The following ERMP1 variants were observed in gnomAD, a reference collection of about 807,000 sequenced individuals.
ERMP1 encodes the protein endoplasmic reticulum metallopeptidase 1.
ERMP1 carries 86 observed loss-of-function variants against 92.0 expected under a neutral mutation model. That is an observed-to-expected ratio of 0.93 (90% CI 0.79 to 1.12). The LOEUF (loss-of-function observed/expected upper bound fraction) is 1.12. Ranked by LOEUF, ERMP1 falls within the 50% of genes most tolerant of loss-of-function variation. The probability of loss-of-function intolerance (pLI) is 0.00; values close to 1 mark genes in which losing one functional copy is unlikely to be tolerated. For synonymous variants in ERMP1, 530 were observed against 412.8 expected (o/e 1.28, Z -3.44); for missense variants, 1,342 against 1,116.3 (o/e 1.20, Z -2.88).
intron 7 of ERMP1, 55 bp from the exon 8 acceptor site, chr9:5,810,286 T>C (rs1829042238): frequency 7.4e-7 from 1 of 1,346,882 alleles, no homozygotes; most frequent in Non-Finnish European, 1.1e-6. Flanking sequence ...ATCAGTTATA[T>C]AACCAGTCAG....
chr9:5,822,672 A>G lies in ERMP1; in HGVS notation c.874+1224T>C, dbSNP rs1442721542. Among the ~76,000 whole-genome samples, 4 of 152,250 alleles carry G rather than the reference A, an allele frequency of 2.6e-5. No homozygotes were observed. The East Asian group carries it at 7.7e-4, about 29-fold the overall frequency. On this transcript the variant is annotated intron_variant, in intron 4 of 14. Coordinates refer to ENST00000339450, the MANE Select transcript of ERMP1 (RefSeq NM_024896.3). ...AATATTAAAACATCTAGCAAATGCT[A>G]CATCTCTGGATAAAATGCATTACCC... is the stretch of plus-strand genomic sequence containing the variant.
At chr9:5,842,783 A>G (rs1830181976) in intron 6 of ERMP1, among the ~76,000 whole-genome samples, 1 of 152,236 alleles carries the variant, frequency 6.6e-6, no homozygotes, top group Non-Finnish European at 1.5e-5. Context: ...AAGCAATTCA[A>G]AGTACTAAAT....
Position 5,833,021 on chromosome 9 carries a change from A to C in ERMP1, c.7T>G (p.Trp3Gly). 1 of 1,525,238 alleles carries C rather than the reference A, an allele frequency of 6.6e-7. No homozygotes were observed. Among genetic ancestry groups the C allele is most frequent in the Non-Finnish European group, 8.7e-7 (1 of 1,146,880 alleles). The allele number at this position is 1,525,238 out of a possible 1,614,324, so 94.5% of individuals were successfully genotyped here. Residue 3 changes from tryptophan (W) to glycine (G), a missense_variant, in exon 1 of 15, where the codon TGG (tryptophan) becomes GGG (glycine). Coordinates refer to ENST00000339450, the MANE Select transcript of ERMP1 (RefSeq NM_024896.3). ME[W>G]GSESAAVRRH... ...CTCACAGCAGCCGACTCAGAACCCC[A>C]CTCCATGGCCACGAGCCTCAGCTGC... is the stretch of plus-strand genomic sequence containing the variant.
chr9:5,843,907 T>C (rs1229376179), intron 6 of ERMP1, among the ~76,000 whole-genome samples: 2 of 152,104 alleles, frequency 1.3e-5, no homozygotes, highest in Non-Finnish European at 1.5e-5. Flanking sequence ...TTGTGTGTCC[T>C]GGGGGGAGGA....
At chr9:5,796,623 C>T (rs1390363226) in intron 13 of ERMP1, among the ~76,000 whole-genome samples, 2 of 152,030 alleles carry the variant, frequency 1.3e-5, no homozygotes, top group East Asian at 1.9e-4. Flanking sequence ...AGAAGTCAGT[C>T]GAAAAAGGCT....
Position 5,797,940 on chromosome 9 carries a change from G to C in ERMP1, c.2271-8C>G, listed in dbSNP as rs1479861078. On this transcript the variant is annotated splice_polypyrimidine_tract_variant and splice_region_variant and intron_variant, in intron 12 of 14. Transcript: ENST00000339450. Reference sequence around the variant, plus strand: ...GGAAGATACCAGTTTTTCCTATTTAGAAAGGAAGCTTCAGTTTTAGGGTGC... The same window carrying C: ...GGAAGATACCAGTTTTTCCTATTTACAAAGGAAGCTTCAGTTTTAGGGTGC... 6.4e-7 allele frequency: 1 copy of C among 1,564,178 alleles called. No homozygotes were observed. The highest frequency in any genetic ancestry group is 1.7e-5 in the Admixed American group (1 of 59,554).
chr9:5,865,752 C>T (rs950237579), intron 5 of ERMP1, among the ~76,000 whole-genome samples: 7 of 143,992 alleles, frequency 4.9e-5, no homozygotes, highest in African/African-American at 1.8e-4. Flanking sequence ...GCATGAGAAT[C>T]GCTGGAAACT....
At chr9:5,802,477 C>G (rs1220817376) in intron 10 of ERMP1, among the ~76,000 whole-genome samples, 1 of 152,200 alleles carries the variant, frequency 6.6e-6, no homozygotes, top group Non-Finnish European at 1.5e-5. Context: ...CTCCAACACT[C>G]AGGTTCAAGC....
chr9:5,808,456 C>T (rs1339323761), intron 8 of ERMP1, among the ~76,000 whole-genome samples: 2 of 152,202 alleles, frequency 1.3e-5, no homozygotes, highest in African/African-American at 2.4e-5. Flanking sequence ...CTCAAAGAAC[C>T]TTCCTTCAGC....
chr9:5,861,173 G>C (rs1298460478), intron 5 of ERMP1, among the ~76,000 whole-genome samples: 75 of 49,438 alleles, frequency 1.5e-3, no homozygotes, highest in African/African-American at 5.7e-3. Flanking sequence ...CTTAGGGGGT[G>C]TGTGTGTGTG....
At chr9:5,836,932 C>T, upstream of ERMP1, among the ~76,000 whole-genome samples, 1 of 152,252 alleles carries the variant, frequency 6.6e-6, no homozygotes, top group East Asian at 1.9e-4. Flanking sequence ...ACTTTTAACC[C>T]CCCCTCAAAT....
chr9:5,800,625 A>G (rs1019439285), intron 11 of ERMP1, among the ~76,000 whole-genome samples: 6 of 152,166 alleles, frequency 3.9e-5, no homozygotes, highest in African/African-American at 1.4e-4. Flanking sequence ...GCAGTGAGCC[A>G]AGATCGTTCC....
intron 6 of ERMP1, among the ~76,000 whole-genome samples, chr9:5,845,825 G>T (rs1239762038): frequency 6.6e-6 from 1 of 152,166 alleles, no homozygotes; most frequent in Non-Finnish European, 1.5e-5. Context: ...TAGGCCTGAG[G>T]AGTATTTTTG....
chr9:5,855,139 TAAATG>T (rs1201809188), intron 6 of ERMP1, among the ~76,000 whole-genome samples: 1 of 152,156 alleles, frequency 6.6e-6, no homozygotes, highest in Non-Finnish European at 1.5e-5. Context: ...TTTAATAACT[TAAATG>T]TAATAGCCTA....
In ERMP1 at chr9:5,802,774, A is replaced by C. The variant is rs916365627; in HGVS notation, c.1915-1446T>G. On this transcript the variant is annotated intron_variant, in intron 10 of 14. Coordinates refer to ENST00000339450, the MANE Select transcript of ERMP1 (RefSeq NM_024896.3). Reference sequence around the variant, plus strand: ...TGATTGAATGACAGGGGAAATGGGGACTGCTGATACAAGTGGGGTCAGGAG... The same window carrying C: ...TGATTGAATGACAGGGGAAATGGGGCCTGCTGATACAAGTGGGGTCAGGAG... 3.0e-4 allele frequency among the ~76,000 whole-genome samples: 45 copies of C among 152,200 alleles called. 1 individual carries two copies. Among genetic ancestry groups the C allele is most frequent in the Non-Finnish European group, 1.2e-4 (8 of 68,034 alleles).
intron 5 of ERMP1, among the ~76,000 whole-genome samples, chr9:5,865,959 T>C (rs1020764591): frequency 2.0e-5 from 3 of 152,012 alleles, no homozygotes; most frequent in African/African-American, 7.2e-5. Flanking sequence ...CTGACATTAA[T>C]AGTAATTTAA....
rs1828568967 is a variant in ERMP1, at chr9:5,799,136, G to A, written c.2068-128C>T. On this transcript the variant is annotated intron_variant, in intron 11 of 14. Transcript: ENST00000339450. ...ATATGGAGCAAGTGAATAAGACACT[G>A]AGAGTTTCTAAGGTACTGCTAGCGT... 4 of 636,278 alleles carry A rather than the reference G, an allele frequency of 6.3e-6. No individual in the cohort carries two copies. In the Admixed American group the frequency reaches 8.5e-5, roughly 13 times the overall value. The allele number at this position is 636,278 out of a possible 1,614,324, so 39.4% of individuals were successfully genotyped here.
At chr9:5,789,472 C>G (rs993498569) in intron 13 of ERMP1, among the ~76,000 whole-genome samples, 3 of 152,372 alleles carry the variant, frequency 2.0e-5, no homozygotes, top group Non-Finnish European at 4.4e-5. Flanking sequence ...AGAAACAGCA[C>G]TCATGAGCCC....
At chr9:5,796,001 C>G (rs971429361) in intron 13 of ERMP1, among the ~76,000 whole-genome samples, 3 of 151,962 alleles carry the variant, frequency 2.0e-5, no homozygotes, top group Admixed American at 1.3e-4. Flanking sequence ...AAAAATAAAT[C>G]TAACAAAATA....
Sources: allele counts gnomAD v4.1 joint callset (sites outside exome capture counted in the v4.1 genomes callset), GRCh38; gene constraint gnomAD v4.1.1; transcripts MANE v1.5; gene names NCBI Gene and HGNC (gene_info 2026-07-23, HGNC 2026-07-21).